The following KCNG3 variants were observed in gnomAD, a reference collection of about 807,000 sequenced individuals.
KCNG3 encodes voltage-gated potassium channel regulatory subunit KCNG3.
A neutral mutation model predicts 29.0 loss-of-function variants in KCNG3; 15 were observed. The ratio of observed to expected loss-of-function variants is 0.52; its 90% CI spans 0.35 to 0.80. KCNG3 has a LOEUF of 0.80. Ranked by LOEUF, KCNG3 falls within the 30% of genes least tolerant of loss-of-function variation. KCNG3 has a pLI of 0.01. For missense variants in KCNG3, 512 were observed against 605.7 expected, an observed-to-expected ratio of 0.85 and a Z score of 1.62; for synonymous variants, 322 against 248.9, an observed-to-expected ratio of 1.29 and a Z score of -2.76.
chr2:42,475,169 C>G (rs1001547369), intron 1 of KCNG3, among the ~76,000 whole-genome samples: 1 of 152,144 alleles, frequency 6.6e-6, no homozygotes, highest in Non-Finnish European at 1.5e-5. Flanking sequence ...TACAATTTAA[C>G]TGTTTAAAAT....
At position 42,452,243 on chromosome 2, in the gene KCNG3, A is replaced by ATATATATATATTT; in HGVS notation, c.666-7665_666-7664insAAATATATATATA. 2.1e-3 allele frequency among the ~76,000 whole-genome samples: 195 copies of ATATATATATATTT among 95,020 alleles called. 1 individual carries two copies. Among genetic ancestry groups the ATATATATATATTT allele is most frequent in the East Asian group, 3.2e-3 (7 of 2,182 alleles). 62.3% of individuals were successfully genotyped at this position (95,020 alleles called of 152,430 possible). On this transcript the variant is annotated intron_variant, in intron 1 of 1. Coordinates refer to ENST00000306078, the MANE Select transcript of KCNG3 (RefSeq NM_133329.6). Reference sequence around the variant, plus strand: ...TAAATATATATATATATATATATATATTTTTTTTTTTTTTTTAAAGGAAAC... The same window carrying ATATATATATATTT: ...TAAATATATATATATATATATATATATATATATATATTTTTTTTTTTTTTTTTTTAAAGGAAAC...
rs768401098 is a variant in KCNG3 at position 42,493,337 on chromosome 2, G to A, written c.165C>T (p.Asp55=). 5 of 1,600,124 alleles carry A rather than the reference G, an allele frequency of 3.1e-6. No homozygotes were observed. Among genetic ancestry groups the A allele is most frequent in the Non-Finnish European group, 4.3e-6 (5 of 1,173,532 alleles). ...RDVLEVCDDY[D]RERNEYFFDR... ...CGAAGAAGTACTCGTTGCGCTCGCG[G>A]TCGTAGTCGTCGCACACCTCGAGCA... Residue 55 remains aspartate (D), a synonymous_variant, in exon 1 of 2, where the codon GAC becomes GAT. Transcript: ENST00000306078.
the KCNG3 span, among the ~76,000 whole-genome samples, chr2:42,415,276 G>A: frequency 6.6e-6 from 1 of 152,188 alleles, no homozygotes; most frequent in East Asian, 1.9e-4. Flanking sequence ...ATGTACAGAT[G>A]TTTCCCTTCC....
chr2:42,411,905 CTAAA>C, the KCNG3 span, among the ~76,000 whole-genome samples: 6 of 152,268 alleles, frequency 3.9e-5, no homozygotes, highest in South Asian at 1.2e-3. Flanking sequence ...GGCTGAAAGG[CTAAA>C]TAAATAAATC....
intron 1 of KCNG3, among the ~76,000 whole-genome samples, chr2:42,448,790 C>T (rs866761838): frequency 6.6e-6 from 1 of 151,938 alleles, no homozygotes; most frequent in African/African-American, 2.4e-5. Context: ...GAGATCGAGA[C>T]CACAGTGAAA....
chr2:42,492,786 G>C, intron 1 of KCNG3, 51 bp downstream of exon 1: 1 of 1,389,334 alleles, frequency 7.2e-7, no homozygotes, highest in Non-Finnish European at 9.4e-7. Context: ...TGGACGGGAC[G>C]GACAGACGCG....
At chr2:42,464,807 C>T (rs1051789317) in intron 1 of KCNG3, among the ~76,000 whole-genome samples, 3 of 152,156 alleles carry the variant, frequency 2.0e-5, no homozygotes, top group African/African-American at 7.2e-5. Flanking sequence ...CTACAGCAGT[C>T]AGTGCTTATC....
chr2:42,388,725 A>G, the KCNG3 span: 1 of 152,196 alleles, frequency 6.6e-6, no homozygotes, highest in Non-Finnish European at 1.5e-5. Flanking sequence ...CCTCAAATAC[A>G]GTCACACCAG....
chr2:42,435,612 T>C, the KCNG3 span, among the ~76,000 whole-genome samples: 2 of 152,168 alleles, frequency 1.3e-5, no homozygotes, highest in African/African-American at 4.8e-5. Flanking sequence ...GGGGTTTAAG[T>C]AGACATTTCT....
the KCNG3 span, among the ~76,000 whole-genome samples, chr2:42,416,897 C>G: frequency 6.6e-6 from 1 of 151,602 alleles, no homozygotes; most frequent in Admixed American, 6.6e-5. Context: ...GATCACTATA[C>G]AATGCATACA....
chr2:42,415,963 T>C, the KCNG3 span, among the ~76,000 whole-genome samples: 2 of 151,866 alleles, frequency 1.3e-5, no homozygotes, highest in Non-Finnish European at 2.9e-5. Context: ...GGGAGGCCGA[T>C]GTGGGTGGAT....
intron 1 of KCNG3, among the ~76,000 whole-genome samples, chr2:42,485,071 T>C (rs1303888094): frequency 6.6e-6 from 1 of 152,218 alleles, no homozygotes; most frequent in Non-Finnish European, 1.5e-5. Flanking sequence ...CGAAATAATA[T>C]AATTGAAATT....
intron 1 of KCNG3, among the ~76,000 whole-genome samples, chr2:42,465,409 AT>A (rs1164865456): frequency 6.6e-6 from 1 of 151,508 alleles, no homozygotes; most frequent in Non-Finnish European, 1.5e-5. Flanking sequence ...CAGAGACGGG[AT>A]TTCACCATGT....
chr2:42,464,650 A>C (rs955912285), intron 1 of KCNG3, among the ~76,000 whole-genome samples: 1 of 152,180 alleles, frequency 6.6e-6, no homozygotes, highest in Admixed American at 6.5e-5. Flanking sequence ...CACAGTCCCC[A>C]GTCTTCTCAC....
intron 1 of KCNG3, among the ~76,000 whole-genome samples, chr2:42,487,858 T>C (rs1327830364): frequency 1.3e-5 from 2 of 152,140 alleles, no homozygotes; most frequent in African/African-American, 4.8e-5. Context: ...ACGACATAAA[T>C]GTATAGTGAC....
intron 1 of KCNG3, among the ~76,000 whole-genome samples, chr2:42,471,924 C>A (rs1003985847): frequency 1.3e-4 from 19 of 148,702 alleles, no homozygotes; most frequent in South Asian, 6.5e-4. Flanking sequence ...AGAAAAAAAG[C>A]AAAATATATT....
chr2:42,446,958 T>C (rs1043599619), intron 1 of KCNG3, among the ~76,000 whole-genome samples: 4 of 151,494 alleles, frequency 2.6e-5, no homozygotes, highest in Non-Finnish European at 5.9e-5. Context: ...CTGGGAAACA[T>C]AGTGAGGCCT....
intron 1 of KCNG3, among the ~76,000 whole-genome samples, chr2:42,488,195 T>A (rs1047429432): frequency 8.5e-5 from 13 of 152,170 alleles, no homozygotes; most frequent in African/African-American, 3.1e-4. Flanking sequence ...AACAAATCAA[T>A]TTAAAAGGAT....
intron 1 of KCNG3, among the ~76,000 whole-genome samples, chr2:42,484,626 G>C (rs1390012997): frequency 6.6e-6 from 1 of 152,218 alleles, no homozygotes; most frequent in East Asian, 1.9e-4. Context: ...CAGAAACTGG[G>C]TGGTGGGATT....
Sources: gnomAD v4.1 joint callset for allele counts (sites outside exome capture counted in the v4.1 genomes callset) on GRCh38, gnomAD v4.1.1 for gene constraint, MANE v1.5 for transcripts, NCBI Gene and HGNC (gene_info 2026-07-23, HGNC 2026-07-21) for gene names.